The following POU6F2 variants were observed in gnomAD, a reference collection of about 807,000 sequenced individuals.
POU6F2 encodes the protein POU domain, class 6, transcription factor 2.
Under a neutral mutation model 71.3 loss-of-function variants are expected in POU6F2, and 31 were observed. The observed-to-expected ratio is 0.43, with a 90% CI of 0.33 to 0.59. The LOEUF (loss-of-function observed/expected upper bound fraction) is 0.59, where lower values mean the gene tolerates loss of function less well. Among genes scored for constraint, POU6F2 ranks in the 20% least tolerant of loss-of-function variants. POU6F2 has a pLI of 0.04. For synonymous variants in POU6F2, 347 were observed against 355.7 expected, an observed-to-expected ratio of 0.98 and a Z score of 0.27; for missense variants, 783 against 856.8, an observed-to-expected ratio of 0.91 and a Z score of 1.07.
chr7:39,308,847 C>G (rs1446007642), intron 4 of POU6F2, among the ~76,000 whole-genome samples: 2 of 152,218 alleles, frequency 1.3e-5, no homozygotes, highest in South Asian at 4.1e-4. Context: ...AACTCACTTC[C>G]TTCCCCCTGC....
intron 7 of POU6F2, among the ~76,000 whole-genome samples, chr7:39,439,697 C>A (rs955868463): frequency 1.3e-5 from 2 of 152,122 alleles, no homozygotes; most frequent in Non-Finnish European, 2.9e-5. Flanking sequence ...GCCATGTTGG[C>A]CAGGCTGCTC....
chr7:39,389,565 A>G (rs1293127208), intron 5 of POU6F2, among the ~76,000 whole-genome samples: 1 of 152,178 alleles, frequency 6.6e-6, no homozygotes, highest in Non-Finnish European at 1.5e-5. Context: ...TTCTAAGGTT[A>G]AAAAAGAAGC....
chr7:39,284,394 G>A (rs1029811199), intron 4 of POU6F2, among the ~76,000 whole-genome samples: 2 of 152,170 alleles, frequency 1.3e-5, no homozygotes, highest in African/African-American at 4.8e-5. Flanking sequence ...GATTTGGTGG[G>A]GTTTGAAAAG....
intron 6 of POU6F2, among the ~76,000 whole-genome samples, chr7:39,415,300 G>C (rs919246988): frequency 6.6e-6 from 1 of 152,196 alleles, no homozygotes. Context: ...TGGGATTACA[G>C]GCGTGAGCCA....
At chr7:39,295,201 C>G (rs539329367) in intron 4 of POU6F2, among the ~76,000 whole-genome samples, 49 of 150,528 alleles carry the variant, frequency 3.3e-4, no homozygotes, top group African/African-American at 1.1e-3. Flanking sequence ...CCACAGTTAT[C>G]AGAGTCCTAA....
At chr7:39,314,672 A>C (rs906329325) in intron 4 of POU6F2, among the ~76,000 whole-genome samples, 4 of 152,244 alleles carry the variant, frequency 2.6e-5, no homozygotes, top group Non-Finnish European at 5.9e-5. Context: ...AACATAAAAC[A>C]TTTATTCTTA....
At chr7:39,174,310 T>C (rs999963701) in intron 2 of POU6F2, among the ~76,000 whole-genome samples, 1 of 152,190 alleles carries the variant, frequency 6.6e-6, no homozygotes, top group Non-Finnish European at 1.5e-5. Context: ...CTGGAACCTT[T>C]TGTTGAATTC....
rs1310561331 is a variant in POU6F2, at chr7:39,228,153, A to G, written c.598+20533A>G. Reference sequence around the variant, plus strand: ...ACATACACAAATAGGTTATAGGAGAATTATGCATTATTTATTTAATTGCAT... The same window carrying G: ...ACATACACAAATAGGTTATAGGAGAGTTATGCATTATTTATTTAATTGCAT... On this transcript the variant is annotated intron_variant, in intron 4 of 9. Coordinates refer to ENST00000518318, the MANE Select transcript of POU6F2 (RefSeq NM_001370959.1). Among the ~76,000 whole-genome samples the G allele has an allele frequency of 2.6e-5, 4 of 152,208 alleles. No homozygotes were observed. The East Asian group carries it at 7.7e-4, about 29-fold the overall frequency.
At chr7:39,007,956 T>G (rs1484427052) in intron 1 of POU6F2, among the ~76,000 whole-genome samples, 9 of 151,052 alleles carry the variant, frequency 6.0e-5, no homozygotes, top group Non-Finnish European at 1.3e-4. Flanking sequence ...TTCCAAGTCT[T>G]TGCTATTGTG....
intron 4 of POU6F2, among the ~76,000 whole-genome samples, chr7:39,331,478 G>A (rs960575505): frequency 2.6e-5 from 4 of 151,610 alleles, no homozygotes; most frequent in African/African-American, 9.8e-5. Flanking sequence ...GAGTGAGGTG[G>A]TATCTCACTC....
At chr7:38,983,200 CTTTAA>C (rs1788368200) in intron 1 of POU6F2, among the ~76,000 whole-genome samples, 1 of 152,086 alleles carries the variant, frequency 6.6e-6, no homozygotes, top group Non-Finnish European at 1.5e-5. Flanking sequence ...TAAATATTGA[CTTTAA>C]TTTGAACGCT....
At chr7:39,267,668 C>T (rs1784273830) in intron 4 of POU6F2, among the ~76,000 whole-genome samples, 1 of 151,128 alleles carries the variant, frequency 6.6e-6, no homozygotes, top group Non-Finnish European at 1.5e-5. Context: ...CAAGGTCTTG[C>T]TATGTTTCCC....
chr7:38,989,133 C>T (rs1307900838), intron 1 of POU6F2, among the ~76,000 whole-genome samples: 4 of 152,034 alleles, frequency 2.6e-5, no homozygotes, highest in African/African-American at 9.7e-5. Flanking sequence ...AACTTTGAGG[C>T]TAGGAGCCAC....
At chr7:39,053,831 G>A (rs1218462372) in intron 1 of POU6F2, among the ~76,000 whole-genome samples, 2 of 152,046 alleles carry the variant, frequency 1.3e-5, no homozygotes, top group Non-Finnish European at 2.9e-5. Context: ...GACCAGCCAC[G>A]GTGGCTTATG....
intron 2 of POU6F2, among the ~76,000 whole-genome samples, chr7:39,131,142 G>T (rs1015334206): frequency 6.6e-6 from 1 of 152,090 alleles, no homozygotes; most frequent in Non-Finnish European, 1.5e-5. Context: ...TCCCCACGTC[G>T]ATTGGCACGG....
intron 1 of POU6F2, among the ~76,000 whole-genome samples, chr7:39,004,464 TG>T (rs1789000299): frequency 6.6e-6 from 1 of 152,226 alleles, no homozygotes; most frequent in Non-Finnish European, 1.5e-5. Context: ...ACTAAATTGG[TG>T]CCTCTGTTAA....
intron 5 of POU6F2, among the ~76,000 whole-genome samples, chr7:39,405,579 AT>A (rs983026143): frequency 6.6e-6 from 1 of 152,232 alleles, no homozygotes; most frequent in African/African-American, 2.4e-5. Context: ...GGGGAAAAAA[AT>A]AACACCCTAG....
chr7:39,298,743 A>C (rs1784898583), intron 4 of POU6F2, among the ~76,000 whole-genome samples: 1 of 152,170 alleles, frequency 6.6e-6, no homozygotes, highest in Non-Finnish European at 1.5e-5. Flanking sequence ...TAACAAAGAC[A>C]TGGAACCAAC....
chr7:39,056,176 C>T (rs1193390500), intron 1 of POU6F2, among the ~76,000 whole-genome samples: 2 of 152,034 alleles, frequency 1.3e-5, no homozygotes, highest in East Asian at 3.9e-4. Context: ...CTCTATTTCT[C>T]AATTCCAGAA....
Sources: gnomAD v4.1 joint callset for allele counts (sites outside exome capture counted in the v4.1 genomes callset) on GRCh38, gnomAD v4.1.1 for gene constraint, MANE v1.5 for transcripts, NCBI Gene and HGNC (gene_info 2026-07-23, HGNC 2026-07-21) for gene names.